SERGEF: variants seen among roughly 807,000 people sequenced by gnomAD.
The protein encoded by SERGEF is secretion regulating guanine nucleotide exchange factor.
In SERGEF, 51 loss-of-function variants were observed where a neutral mutation model predicts 50.0. The ratio of observed to expected loss-of-function variants is 1.02; its 90% confidence interval spans 0.81 to 1.29. The LOEUF is 1.29. Ranked by LOEUF, SERGEF falls within the 50% of genes most tolerant of loss-of-function variation. The pLI, the probability that SERGEF is intolerant of heterozygous loss-of-function variation, is 0.00. For synonymous variants in SERGEF, 205 were observed against 212.4 expected, an observed-to-expected ratio of 0.97 and a Z score of 0.30; for missense variants, 521 against 557.0, an observed-to-expected ratio of 0.94 and a Z score of 0.65.
chr11:17,858,896 G>GCCATGGCAGGTAAGC (rs1325544941), intron 10 of SERGEF, among the ~76,000 whole-genome samples: 21 of 152,274 alleles, frequency 1.4e-4, no homozygotes, highest in African/African-American at 5.1e-4. Context: ...ATCCCTGATA[G>GCCATGGCAGGTAAGC]AGGGATGCAG....
At chr11:17,891,282 A>C (rs1851528546) in intron 9 of SERGEF, among the ~76,000 whole-genome samples, 1 of 152,234 alleles carries the variant, frequency 6.6e-6, no homozygotes, top group South Asian at 2.1e-4. Flanking sequence ...GACCTGACTA[A>C]AAAGCATTTC....
intron 9 of SERGEF, among the ~76,000 whole-genome samples, chr11:17,934,173 G>C (rs1428347966): frequency 1.3e-5 from 2 of 152,078 alleles, no homozygotes; most frequent in African/African-American, 4.8e-5. Flanking sequence ...TCCAGGAAGG[G>C]ATACCAGTCA....
intron 9 of SERGEF, among the ~76,000 whole-genome samples, chr11:17,956,111 G>T (rs1207850210): frequency 1.3e-5 from 2 of 152,184 alleles, no homozygotes; most frequent in East Asian, 1.9e-4. Context: ...ATGAAACACA[G>T]AAGTTTTTAC....
intron 10 of SERGEF, among the ~76,000 whole-genome samples, chr11:17,821,450 G>T (rs1040881621): frequency 3.9e-5 from 6 of 152,058 alleles, no homozygotes; most frequent in Admixed American, 1.3e-4. Context: ...TATCTAACTT[G>T]GTCATTATCA....
At chr11:17,825,424 G>A (rs555291571) in intron 10 of SERGEF, among the ~76,000 whole-genome samples, 6 of 152,278 alleles carry the variant, frequency 3.9e-5, no homozygotes, top group East Asian at 3.9e-4. Context: ...GCAAGAGAGC[G>A]TGACTTGGTT....
chr11:17,872,953 T>G (rs1483161201), intron 10 of SERGEF, among the ~76,000 whole-genome samples: 1 of 152,084 alleles, frequency 6.6e-6, no homozygotes, highest in Non-Finnish European at 1.5e-5. Flanking sequence ...CACTTACATA[T>G]GTAAAAGGAC....
chr11:17,993,768 G>C (rs542682548), intron 6 of SERGEF, among the ~76,000 whole-genome samples: 1 of 152,172 alleles, frequency 6.6e-6, no homozygotes, highest in Non-Finnish European at 1.5e-5. Context: ...ATGTTCACCA[G>C]AGAGGAAGTA....
intron 10 of SERGEF, among the ~76,000 whole-genome samples, chr11:17,861,617 CAT>C (rs1168465505): frequency 3.9e-5 from 6 of 152,240 alleles, no homozygotes; most frequent in Non-Finnish European, 5.9e-5. Flanking sequence ...AGTGAGCACA[CAT>C]GAGGACCTAC....
In SERGEF at chr11:17,902,259, T is replaced by A. The variant is rs539376420; in HGVS notation, c.1012-24015A>T. On this transcript the variant is annotated intron_variant, in intron 9 of 10. Transcript: ENST00000265965. ...GAAAGAGCTATAACGTTTGGCCTGA[T>A]TGCTTTACCAAGTTTTAAGTTCAAA... Among the ~76,000 whole-genome samples the A allele has an allele frequency of 7.9e-5, 12 of 152,266 alleles. No homozygotes were observed. The East Asian group carries it at 2.3e-3, about 29-fold the overall frequency.
intron 9 of SERGEF, among the ~76,000 whole-genome samples, chr11:17,915,864 T>C (rs1455136899): frequency 6.6e-6 from 1 of 152,084 alleles, no homozygotes. Context: ...CCAGGCTACA[T>C]GGGAAAGGCT....
intron 10 of SERGEF, among the ~76,000 whole-genome samples, chr11:17,807,338 C>G (rs9783399): frequency 4.2e-4 from 6 of 14,134 alleles, no homozygotes; most frequent in South Asian, 3.9e-3. Context: ...TCCCCCCCCA[C>G]AAAAAAAATT....
At chr11:17,989,665 C>T (rs1450373679) in intron 7 of SERGEF, among the ~76,000 whole-genome samples, 1 of 152,212 alleles carries the variant, frequency 6.6e-6, no homozygotes, top group East Asian at 1.9e-4. Context: ...GCTTTTCCAA[C>T]CCTTATAATC....
At chr11:17,881,129 C>T (rs1394179326) in intron 9 of SERGEF, among the ~76,000 whole-genome samples, 1 of 152,222 alleles carries the variant, frequency 6.6e-6, no homozygotes, top group Non-Finnish European at 1.5e-5. Flanking sequence ...AAACCCAGGT[C>T]TGCCTGATCT....
rs146197931 is a variant in SERGEF, at chr11:17,860,848, G to A, written c.1048+17360C>T. Among the ~76,000 whole-genome samples, 102 of 152,336 alleles carry A rather than the reference G, an allele frequency of 6.7e-4. 2 individuals are homozygous for A. The highest frequency in any genetic ancestry group is 2.2e-3 in the African/African-American group (92 of 41,576). On this transcript the variant is annotated intron_variant, in intron 10 of 10. Transcript: ENST00000265965. ...ACACACACAGTGGATGTAACAGTGTGTAAGAGCTTAGTGAGACAGTGTAAG... is the reference window on the plus strand; with the variant it reads ...ACACACACAGTGGATGTAACAGTGTATAAGAGCTTAGTGAGACAGTGTAAG...
intron 8 of SERGEF, among the ~76,000 whole-genome samples, chr11:17,968,198 G>T (rs1853167621): frequency 6.6e-6 from 1 of 152,168 alleles, no homozygotes; most frequent in Non-Finnish European, 1.5e-5. Context: ...TTGAACAGTA[G>T]GAATTGTAGG....
At chr11:17,816,909 C>T (rs1486928142) in intron 10 of SERGEF, among the ~76,000 whole-genome samples, 1 of 152,198 alleles carries the variant, frequency 6.6e-6, no homozygotes. Flanking sequence ...TCTCAACCCT[C>T]TCCATAGGGA....
At chr11:17,861,171 G>A (rs981134232) in intron 10 of SERGEF, among the ~76,000 whole-genome samples, 2 of 152,206 alleles carry the variant, frequency 1.3e-5, no homozygotes, top group African/African-American at 4.8e-5. Context: ...AGGGCCATAT[G>A]GGAAGCAAGG....
At chr11:17,973,681 A>G (rs1260821254) in intron 8 of SERGEF, among the ~76,000 whole-genome samples, 1 of 152,194 alleles carries the variant, frequency 6.6e-6, no homozygotes, top group Non-Finnish European at 1.5e-5. Flanking sequence ...AGGTTCTTCA[A>G]GAGAGATTAG....
At chr11:17,879,842 C>T (rs1851306776) in intron 9 of SERGEF, among the ~76,000 whole-genome samples, 1 of 152,068 alleles carries the variant, frequency 6.6e-6, no homozygotes. Flanking sequence ...TAAACATATA[C>T]AATTTTATCT....
Sources: gnomAD v4.1 joint callset for allele counts (sites outside exome capture counted in the v4.1 genomes callset) on GRCh38, gnomAD v4.1.1 for gene constraint, MANE v1.5 for transcripts, NCBI Gene and HGNC (gene_info 2026-07-23, HGNC 2026-07-21) for gene names.